KLF12: variants seen among roughly 807,000 people sequenced by gnomAD.
KLF12 encodes Krueppel-like factor 12.
A neutral mutation model predicts 37.8 loss-of-function variants in KLF12; 9 were observed. The observed-to-expected ratio is 0.24, with a 90% CI of 0.14 to 0.42. The LOEUF is 0.42. Ranked by LOEUF, KLF12 falls within the 10% of genes least tolerant of loss-of-function variation. The probability of loss-of-function intolerance (pLI) is 1.00; values close to 1 mark genes in which losing one functional copy is unlikely to be tolerated. For synonymous variants in KLF12, 208 were observed against 202.1 expected (o/e 1.03, Z -0.25); for missense variants, 411 against 516.0 (o/e 0.80, Z 1.97).
intron 1 of KLF12, among the ~76,000 whole-genome samples, chr13:74,077,916 T>A (rs1157648747): frequency 6.6e-6 from 1 of 152,210 alleles, no homozygotes; most frequent in East Asian, 1.9e-4. Flanking sequence ...TTTAAGAAGT[T>A]ATTAAACTTC....
the KLF12 span, among the ~76,000 whole-genome samples, chr13:74,166,087 C>CTTTT: frequency 2.4e-4 from 25 of 103,752 alleles, no homozygotes; most frequent in African/African-American, 6.1e-4. Context: ...GCATAAACAC[C>CTTTT]TTTTTTTTTT....
the KLF12 span, among the ~76,000 whole-genome samples, chr13:74,250,524 G>T: frequency 6.6e-6 from 1 of 152,108 alleles, no homozygotes; most frequent in Non-Finnish European, 1.5e-5. Context: ...CTATTGGAGG[G>T]AATGCTGGAG....
chr13:74,014,594 A>C (rs1160098767), intron 1 of KLF12, among the ~76,000 whole-genome samples: 1 of 152,238 alleles, frequency 6.6e-6, no homozygotes, highest in Non-Finnish European at 1.5e-5. Flanking sequence ...ACTGAAAAGA[A>C]AGAATGTATT....
chr13:74,235,879 TTTCA>T, the KLF12 span, among the ~76,000 whole-genome samples: 1 of 152,028 alleles, frequency 6.6e-6, no homozygotes, highest in Non-Finnish European at 1.5e-5. Context: ...ACACATTTAC[TTTCA>T]TTCTCAGGTA....
intron 1 of KLF12, among the ~76,000 whole-genome samples, chr13:74,043,863 ACACTCCTACAG>A (rs896274407): frequency 1.3e-5 from 2 of 152,228 alleles, no homozygotes; most frequent in African/African-American, 4.8e-5. Flanking sequence ...AATTCATTAA[ACACTCCTACAG>A]CATTCTATCT....
At chr13:74,034,859 C>G (rs1288794040) in intron 1 of KLF12, among the ~76,000 whole-genome samples, 2 of 152,250 alleles carry the variant, frequency 1.3e-5, no homozygotes, top group East Asian at 1.9e-4. Flanking sequence ...AAAGGCCCAT[C>G]ATATACACTG....
chr13:74,267,366 A>G, the KLF12 span, among the ~76,000 whole-genome samples: 1 of 152,254 alleles, frequency 6.6e-6, no homozygotes, highest in Non-Finnish European at 1.5e-5. Flanking sequence ...CAACTGATGA[A>G]TAGTGGTATA....
At chr13:73,920,334 A>T (rs565524418) in intron 3 of KLF12, among the ~76,000 whole-genome samples, 1 of 150,780 alleles carries the variant, frequency 6.6e-6, no homozygotes, top group East Asian at 1.9e-4. Context: ...GTCTTCATAC[A>T]TTTTTTTTTA....
intron 6 of KLF12, among the ~76,000 whole-genome samples, chr13:73,732,693 T>C (rs912692753): frequency 3.3e-5 from 5 of 152,176 alleles, no homozygotes; most frequent in Non-Finnish European, 7.3e-5. Context: ...GTGATCTTGC[T>C]CATTCCCATG....
intron 3 of KLF12, among the ~76,000 whole-genome samples, chr13:73,916,056 A>T (rs9543483): frequency 0.46 from 70,357 of 151,838 alleles, 16,955 homozygotes; most frequent in Middle Eastern, 0.54. Flanking sequence ...TGCCAAAAAC[A>T]TGGAGTTTTA....
At chr13:74,087,839 G>T (rs1217247474) in intron 1 of KLF12, among the ~76,000 whole-genome samples, 5 of 152,050 alleles carry the variant, frequency 3.3e-5, no homozygotes, top group African/African-American at 7.2e-5. Flanking sequence ...GGTGTATTGT[G>T]TAAAAGAAGC....
At position 74,021,363 on chromosome 13, in the gene KLF12, G is replaced by C. The variant is rs149520794; in HGVS notation, c.-31-26310C>G. Among the ~76,000 whole-genome samples the C allele has an allele frequency of 1.6e-4, 25 of 152,250 alleles. No individual in the cohort carries two copies. The East Asian group carries it at 4.1e-3, about 25-fold the overall frequency. ...TTCTATGTTAGTCTAGGGCAGTAAGGGTCCTGGAAGTTGGCAGTTGATTGT... is the reference window on the plus strand; with the variant it reads ...TTCTATGTTAGTCTAGGGCAGTAAGCGTCCTGGAAGTTGGCAGTTGATTGT... On this transcript the variant is annotated intron_variant, in intron 1 of 7. Transcript: ENST00000377669.
At position 73,689,548 on chromosome 13, in the gene KLF12, T is replaced by A. The variant is rs560540009; in HGVS notation, c.*5942A>T. The A allele has an allele frequency of 6.6e-6, 1 of 152,270 alleles. No individual in the cohort carries two copies. Among genetic ancestry groups the A allele is most frequent in the South Asian group, 2.1e-4 (1 of 4,826 alleles). 9.4% of individuals were successfully genotyped at this position (152,270 alleles called of 1,614,324 possible). A position where few individuals can be genotyped will look rare whatever the true frequency, so the allele number is the denominator to read the frequency against. ...CATGACTCCACTTTTAGCAGTACAGTAATTACAGGAAAAAACCTGTGAGCT... is the reference window on the plus strand; with the variant it reads ...CATGACTCCACTTTTAGCAGTACAGAAATTACAGGAAAAAACCTGTGAGCT... On this transcript the variant is annotated 3_prime_UTR_variant, in exon 8 of 8. Transcript: ENST00000377669.
chr13:74,055,479 C>A (rs1469368517), intron 1 of KLF12, among the ~76,000 whole-genome samples: 2 of 152,110 alleles, frequency 1.3e-5, no homozygotes, highest in Admixed American at 6.6e-5. Flanking sequence ...AGCTGCAAAG[C>A]GTGCTCCAGT....
the KLF12 span, among the ~76,000 whole-genome samples, chr13:74,173,201 G>A: frequency 8.5e-5 from 13 of 152,198 alleles, no homozygotes; most frequent in African/African-American, 2.9e-4. Context: ...CTGGTCCATA[G>A]CACTTAAGTT....
intron 7 of KLF12, among the ~76,000 whole-genome samples, chr13:73,702,268 A>C (rs990960158): frequency 6.6e-6 from 1 of 152,178 alleles, no homozygotes; most frequent in Admixed American, 6.5e-5. Context: ...ATTTTGGTTA[A>C]AGAAAAGGAT....
At chr13:73,953,966 CTTTCTTTTTTT>C (rs1566480148) in intron 2 of KLF12, among the ~76,000 whole-genome samples, 1 of 106,394 alleles carries the variant, frequency 9.4e-6, no homozygotes, top group Non-Finnish European at 1.9e-5. Flanking sequence ...TTTGTTTTTT[CTTTCTTTTTTT>C]TTTTTTTTTT....
intron 2 of KLF12, among the ~76,000 whole-genome samples, chr13:73,968,533 T>A (rs187658970): frequency 4.2e-4 from 64 of 152,332 alleles, no homozygotes; most frequent in African/African-American, 1.4e-3. Flanking sequence ...AATCTGTGTA[T>A]CTTTCGTCGT....
chr13:73,743,128 C>A (rs987700242), intron 6 of KLF12, among the ~76,000 whole-genome samples: 1 of 152,162 alleles, frequency 6.6e-6, no homozygotes, highest in Non-Finnish European at 1.5e-5. Context: ...AGAGTTGCCG[C>A]AAAGGCAGCT....
Sources: gnomAD v4.1 joint callset for allele counts (sites outside exome capture counted in the v4.1 genomes callset) on GRCh38, gnomAD v4.1.1 for gene constraint, MANE v1.5 for transcripts, NCBI Gene and HGNC (gene_info 2026-07-23, HGNC 2026-07-21) for gene names.